Variants in RALYL observed in about 807,000 individuals in gnomAD.
The protein encoded by RALYL is RNA-binding Raly-like protein.
A neutral mutation model predicts 35.1 loss-of-function variants in RALYL; 29 were observed. The observed-to-expected ratio is 0.83, with a 90% CI of 0.61 to 1.13. RALYL has a LOEUF of 1.13. Among genes scored for constraint, RALYL ranks in the 50% most tolerant of loss-of-function variants. RALYL has a pLI of 0.00. For synonymous variants in RALYL, 120 were observed against 127.6 expected (o/e 0.94, Z 0.40); for missense variants, 359 against 360.4 (o/e 1.00, Z 0.03).
At chr8:84,475,927 G>T (rs1357118752) in intron 1 of RALYL, among the ~76,000 whole-genome samples, 1 of 152,188 alleles carries the variant, frequency 6.6e-6, no homozygotes, top group Admixed American at 6.5e-5. Context: ...TGGCATTAAT[G>T]TTGCTAAATG....
At chr8:84,469,239 T>A (rs1450248425) in intron 1 of RALYL, among the ~76,000 whole-genome samples, 1 of 152,098 alleles carries the variant, frequency 6.6e-6, no homozygotes, top group Non-Finnish European at 1.5e-5. Context: ...GAGTTTCCAG[T>A]TTTTCTGTTC....
chr8:84,362,902 A>T (rs1348167290), intron 1 of RALYL, among the ~76,000 whole-genome samples: 1 of 152,168 alleles, frequency 6.6e-6, no homozygotes, highest in Non-Finnish European at 1.5e-5. Context: ...AGACTAAGGG[A>T]TTTATGATTG....
intron 1 of RALYL, among the ~76,000 whole-genome samples, chr8:84,499,529 G>T (rs924699455): frequency 2.0e-5 from 3 of 152,110 alleles, no homozygotes; most frequent in African/African-American, 7.2e-5. Flanking sequence ...GGCAAACACT[G>T]AGCAGAGACA....
intron 1 of RALYL, among the ~76,000 whole-genome samples, chr8:84,212,295 G>T (rs1219129210): frequency 6.6e-6 from 1 of 151,856 alleles, no homozygotes; most frequent in African/African-American, 2.4e-5. Flanking sequence ...ACATAAAAGT[G>T]GTATTCTAGC....
intron 3 of RALYL, among the ~76,000 whole-genome samples, chr8:84,794,060 T>A (rs770871318): frequency 1.2e-4 from 19 of 152,276 alleles, no homozygotes; most frequent in Non-Finnish European, 1.3e-4. Context: ...GGTATGAGAC[T>A]GTGGGGCACA....
intron 1 of RALYL, among the ~76,000 whole-genome samples, chr8:84,431,912 G>A (rs1273763672): frequency 1.3e-5 from 2 of 152,104 alleles, no homozygotes; most frequent in African/African-American, 4.8e-5. Flanking sequence ...ACCCAGTGGG[G>A]GGATTGCTGG....
At chr8:84,371,950 A>G (rs1285632268) in intron 1 of RALYL, among the ~76,000 whole-genome samples, 1 of 151,892 alleles carries the variant, frequency 6.6e-6, no homozygotes, top group Non-Finnish European at 1.5e-5. Flanking sequence ...GCAGCCCGCT[A>G]ATAAAACACT....
chr8:84,272,746 C>T (rs2131966815), intron 1 of RALYL, among the ~76,000 whole-genome samples: 1 of 152,222 alleles, frequency 6.6e-6, no homozygotes. Context: ...ATGAATGGCT[C>T]ATAAAATACA....
chr8:84,190,925 TA>T (rs1813696593), intron 1 of RALYL, among the ~76,000 whole-genome samples: 1 of 151,864 alleles, frequency 6.6e-6, no homozygotes, highest in African/African-American at 2.4e-5. Flanking sequence ...AAAATAGAGT[TA>T]GGATGATAGC....
chr8:84,441,518 A>G (rs2048327455), intron 1 of RALYL, among the ~76,000 whole-genome samples: 1 of 152,176 alleles, frequency 6.6e-6, no homozygotes, highest in Non-Finnish European at 1.5e-5. Flanking sequence ...AGATTGAAAA[A>G]TAATTTTATT....
chr8:84,912,383 A>G (rs1452928282), intron 8 of RALYL, among the ~76,000 whole-genome samples: 2 of 152,098 alleles, frequency 1.3e-5, no homozygotes, highest in Non-Finnish European at 2.9e-5. Flanking sequence ...CTTATTATGT[A>G]GAAGAAAAAA....
intron 2 of RALYL, among the ~76,000 whole-genome samples, chr8:84,638,053 G>T (rs1274801067): frequency 6.6e-6 from 1 of 151,848 alleles, no homozygotes; most frequent in Non-Finnish European, 1.5e-5. Flanking sequence ...TAGACCATAT[G>T]ACAGGCCACA....
chr8:84,681,120 T>C (rs1203653624), intron 2 of RALYL, among the ~76,000 whole-genome samples: 2 of 152,232 alleles, frequency 1.3e-5, no homozygotes, highest in Non-Finnish European at 2.9e-5. Context: ...CCTTTCCCCA[T>C]TTCTTGATTT....
At chr8:84,750,204 C>A (rs1252292432) in intron 2 of RALYL, among the ~76,000 whole-genome samples, 1 of 152,114 alleles carries the variant, frequency 6.6e-6, no homozygotes, top group Non-Finnish European at 1.5e-5. Context: ...TAATCAGGAC[C>A]AGTTTCTGAT....
chr8:84,519,436 T>A (rs983126065), intron 1 of RALYL, among the ~76,000 whole-genome samples: 1 of 152,188 alleles, frequency 6.6e-6, no homozygotes, highest in Admixed American at 6.5e-5. Context: ...AAGTCCCTCA[T>A]TGTAGACTCC....
At chr8:84,328,154 A>C (rs988010088) in intron 1 of RALYL, among the ~76,000 whole-genome samples, 1 of 152,326 alleles carries the variant, frequency 6.6e-6, no homozygotes, top group East Asian at 1.9e-4. Context: ...TCATGTCAAC[A>C]CAATAGGAAG....
chr8:84,633,211 T>C (rs1049105520), intron 2 of RALYL, among the ~76,000 whole-genome samples: 3 of 152,002 alleles, frequency 2.0e-5, no homozygotes, highest in Admixed American at 6.6e-5. Flanking sequence ...AGTGGTATAC[T>C]ATGTTTGTAT....
At chr8:84,352,489 C>A (rs941023860) in intron 1 of RALYL, among the ~76,000 whole-genome samples, 2 of 150,178 alleles carry the variant, frequency 1.3e-5, no homozygotes, top group East Asian at 3.9e-4. Flanking sequence ...AGAGTGTATA[C>A]CACTTTTGTT....
At chr8:84,719,157 A>G (rs1410395037) in intron 2 of RALYL, among the ~76,000 whole-genome samples, 2 of 152,116 alleles carry the variant, frequency 1.3e-5, no homozygotes, top group Non-Finnish European at 2.9e-5. Flanking sequence ...TTATCTAGTC[A>G]TTTGGCTATA....
Sources: allele counts gnomAD v4.1 joint callset (sites outside exome capture counted in the v4.1 genomes callset), GRCh38; gene constraint gnomAD v4.1.1; transcripts MANE v1.5; gene names NCBI Gene and HGNC (gene_info 2026-07-23, HGNC 2026-07-21).